The following CATSPERE variants were observed in gnomAD, a reference collection of about 807,000 sequenced individuals.
The protein encoded by CATSPERE is cation channel sperm-associated auxiliary subunit epsilon.
Under a neutral mutation model 114.1 loss-of-function variants are expected in CATSPERE, and 93 were observed. The ratio of observed to expected loss-of-function variants is 0.81; its 90% CI spans 0.69 to 0.97. The LOEUF is 0.97. Ranked by LOEUF, CATSPERE falls within the 50% of genes least tolerant of loss-of-function variation. The pLI, the probability that CATSPERE is intolerant of heterozygous loss-of-function variation, is 0.00. For missense variants in CATSPERE, 1,058 were observed against 1,131.6 expected (o/e 0.93, Z 0.93); for synonymous variants, 341 against 384.1 (o/e 0.89, Z 1.31).
At chr1:244,608,162 C>T (rs1670241398) in intron 18 of CATSPERE, among the ~76,000 whole-genome samples, 1 of 151,720 alleles carries the variant, frequency 6.6e-6, no homozygotes, top group Non-Finnish European at 1.5e-5. Context: ...TTTGTAAATC[C>T]CCTGAGAGTT....
In CATSPERE at chr1:244,493,045, C is replaced by T. The variant is rs1672492018; in HGVS notation, c.351+2574C>T. 2.0e-5 allele frequency among the ~76,000 whole-genome samples: 3 copies of T among 150,226 alleles called. No individual in the cohort carries two copies. The South Asian group carries it at 6.4e-4, about 32-fold the overall frequency. On this transcript the variant is annotated intron_variant, in intron 6 of 21. Coordinates refer to ENST00000366534, the MANE Select transcript of CATSPERE (RefSeq NM_001130957.2). ...CCAAGGTAATTTACAGATTCAATGCCATCCCCATCAAGCTACCAATGACTT... is the reference window on the plus strand; with the variant it reads ...CCAAGGTAATTTACAGATTCAATGCTATCCCCATCAAGCTACCAATGACTT...
At chr1:244,548,237 G>A (rs1343693518) in intron 8 of CATSPERE, among the ~76,000 whole-genome samples, 1 of 152,214 alleles carries the variant, frequency 6.6e-6, no homozygotes, top group Non-Finnish European at 1.5e-5. Context: ...AGCCACCATT[G>A]TCATCACCCA....
At chr1:244,625,422 A>ATTTTT (rs1349807713) in intron 20 of CATSPERE, among the ~76,000 whole-genome samples, 1 of 4,050 alleles carries the variant, frequency 2.5e-4, no homozygotes, top group African/African-American at 4.9e-4. Flanking sequence ...ATATATATAT[A>ATTTTT]TATATATATA....
intron 8 of CATSPERE, among the ~76,000 whole-genome samples, chr1:244,521,335 T>C (rs1558419891): frequency 1.3e-5 from 2 of 152,104 alleles, no homozygotes; most frequent in Non-Finnish European, 2.9e-5. Flanking sequence ...GCCTAGGTAA[T>C]AGAGTGAGAC....
At chr1:244,627,554 G>A (rs991937350) in intron 20 of CATSPERE, among the ~76,000 whole-genome samples, 33 of 151,840 alleles carry the variant, frequency 2.2e-4, no homozygotes, top group African/African-American at 5.1e-4. Context: ...TAGCCTGGAC[G>A]ACGGAGCAAG....
At chr1:244,533,909 C>A (rs3005963) in intron 8 of CATSPERE, among the ~76,000 whole-genome samples, 132,466 of 152,036 alleles carry the variant, frequency 0.87, 58,634 homozygotes, top group East Asian at 1. Context: ...CTTTTAAATT[C>A]AATAACTCCC....
intron 20 of CATSPERE, among the ~76,000 whole-genome samples, chr1:244,621,108 A>ATATC (rs1309675961): frequency 1.9e-4 from 12 of 61,882 alleles, no homozygotes; most frequent in African/African-American, 7.4e-4. Context: ...ATATATAAAT[A>ATATC]TATATATAAT....
intron 8 of CATSPERE, among the ~76,000 whole-genome samples, chr1:244,520,765 G>A (rs1421202964): frequency 2.0e-5 from 3 of 152,028 alleles, no homozygotes; most frequent in Non-Finnish European, 4.4e-5. Flanking sequence ...TTGTTCTGTG[G>A]GCCCCAATTC....
intron 17 of CATSPERE, among the ~76,000 whole-genome samples, chr1:244,596,507 C>A (rs1668451969): frequency 6.6e-6 from 1 of 151,874 alleles, no homozygotes; most frequent in East Asian, 1.9e-4. Context: ...GGTTCACCTG[C>A]ATCACTAGGA....
At chr1:244,550,368 A>G (rs1311835839) in intron 8 of CATSPERE, among the ~76,000 whole-genome samples, 3 of 152,250 alleles carry the variant, frequency 2.0e-5, no homozygotes, top group Non-Finnish European at 2.9e-5. Flanking sequence ...TATACAGTGG[A>G]AAGCCAAAAA....
chr1:244,482,097 C>T (rs1054669677), intron 5 of CATSPERE, among the ~76,000 whole-genome samples: 42 of 152,052 alleles, frequency 2.8e-4, no homozygotes, highest in African/African-American at 9.2e-4. Context: ...GAGAGAACTC[C>T]GTAGGGGCTA....
chr1:244,561,045 T>C lies in CATSPERE; in HGVS notation c.1407T>C (p.Cys469=). 1 of 1,612,558 alleles carries C rather than the reference T, an allele frequency of 6.2e-7. No homozygotes were observed. The highest frequency in any genetic ancestry group is 8.5e-7 in the Non-Finnish European group (1 of 1,178,736). ...LLWNKHSIYY[C]YHNFTFTGIL... ...GGAACAAGCATAGTATCTACTATTG[T>C]TACCATAATTTCACCTTTACTGGGA... is the stretch of plus-strand genomic sequence containing the variant. Residue 469 remains cysteine (C), a synonymous_variant, in exon 10 of 22, where the codon TGT becomes TGC. Coordinates refer to ENST00000366534, the MANE Select transcript of CATSPERE (RefSeq NM_001130957.2).
chr1:244,581,251 T>G (rs905918106), intron 11 of CATSPERE, among the ~76,000 whole-genome samples: 2 of 152,228 alleles, frequency 1.3e-5, no homozygotes, highest in Non-Finnish European at 2.9e-5. Flanking sequence ...CTGTCATTCA[T>G]TCATACTCAC....
chr1:244,465,043 T>C (rs1287910900), intron 2 of CATSPERE, among the ~76,000 whole-genome samples: 2 of 151,730 alleles, frequency 1.3e-5, no homozygotes, highest in Non-Finnish European at 2.9e-5. Context: ...GGCTCCTTTT[T>C]TTTTTTTTTG....
At chr1:244,479,028 CAAAAAAA>C (rs1161485991) in intron 4 of CATSPERE, among the ~76,000 whole-genome samples, 1 of 47,502 alleles carries the variant, frequency 2.1e-5, no homozygotes. Context: ...AACTTCGTCT[CAAAAAAA>C]AAAAAAAAAA....
chr1:244,572,404 G>T lies in CATSPERE; in HGVS notation c.1582G>T (p.Val528Leu), dbSNP rs567966820. ...TTCCAAGATTAATACTAGAGATGCA[G>T]TAAAGCTGCATTTATGGACAAATTA... ...FYSKINTRDA[V>L]KLHLWTNYTT... Residue 528 changes from valine to leucine, a missense_variant, in exon 11 of 22, where the codon GTA becomes TTA. Val to Leu is a conservative substitution (Grantham distance 32). This residue lies in a region of CATSPERE where 787 missense variants were observed against 905.6 expected (regional missense o/e 0.87). Transcript: ENST00000366534. The T allele has an allele frequency of 3.2e-6, 5 of 1,575,986 alleles. No homozygotes were observed. The South Asian group carries it at 4.4e-5, about 14-fold the overall frequency.
At chr1:244,592,077 A>G (rs370197002) in intron 15 of CATSPERE, among the ~76,000 whole-genome samples, 9 of 152,330 alleles carry the variant, frequency 5.9e-5, no homozygotes, top group Admixed American at 1.3e-4. Flanking sequence ...AGCCGGGTAC[A>G]GTGGCTCATG....
chr1:244,549,874 G>C (rs1660334234), intron 8 of CATSPERE, among the ~76,000 whole-genome samples: 1 of 152,178 alleles, frequency 6.6e-6, no homozygotes, highest in African/African-American at 2.4e-5. Context: ...TGAATTGGTA[G>C]ACTGAGTAAA....
intron 10 of CATSPERE, among the ~76,000 whole-genome samples, chr1:244,561,348 T>G (rs1336742805): frequency 2.6e-5 from 4 of 152,196 alleles, no homozygotes; most frequent in Non-Finnish European, 5.9e-5. Flanking sequence ...ACTCAATTTC[T>G]TTTTGCCGGG....
Sources: gnomAD v4.1 joint callset for allele counts (sites outside exome capture counted in the v4.1 genomes callset) on GRCh38, gnomAD v4.1.1 for gene constraint, gnomAD v4.1.1 regional missense constraint, MANE v1.5 for transcripts, NCBI Gene and HGNC (gene_info 2026-07-23, HGNC 2026-07-21) for gene names.